The following BSPRY variants were observed in gnomAD, a reference collection of about 807,000 sequenced individuals.
The protein encoded by BSPRY is B-box and SPRY domain containing.
A neutral mutation model predicts 38.0 loss-of-function variants in BSPRY; 33 were observed. That is an observed-to-expected ratio of 0.87 (90% CI 0.66 to 1.16). BSPRY has a LOEUF of 1.16. Among genes scored for constraint, BSPRY ranks in the 50% most tolerant of loss-of-function variants. BSPRY has a pLI of 0.00. For synonymous variants in BSPRY, 224 were observed against 228.5 expected (o/e 0.98, Z 0.18); for missense variants, 523 against 533.2 (o/e 0.98, Z 0.19).
chr9:113,365,073 C>A (rs1352037793), intron 4 of BSPRY, among the ~76,000 whole-genome samples: 1 of 151,766 alleles, frequency 6.6e-6, no homozygotes, highest in African/African-American at 2.4e-5. Flanking sequence ...AGGAATACTT[C>A]ATAAGTGATC....
intron 4 of BSPRY, among the ~76,000 whole-genome samples, chr9:113,365,733 AAGAG>A (rs750918178): frequency 8.7e-5 from 12 of 137,804 alleles, no homozygotes; most frequent in South Asian, 5.1e-4. Flanking sequence ...GAGAAAGAGA[AAGAG>A]AGAGAGAGAG....
chr9:113,364,978 A>G (rs1254428699), intron 4 of BSPRY, among the ~76,000 whole-genome samples: 1 of 148,792 alleles, frequency 6.7e-6, no homozygotes, highest in East Asian at 2.0e-4. Context: ...ATTTTTAAAG[A>G]GTCAAGGCCA....
chr9:113,367,916 G>A (rs528156274), intron 4 of BSPRY, among the ~76,000 whole-genome samples: 1 of 151,186 alleles, frequency 6.6e-6, no homozygotes. Flanking sequence ...CTGCAGCCTC[G>A]AACTCCTGGG....
Position 113,349,716 on chromosome 9 carries a change from G to C in BSPRY, c.137G>C (p.Gly46Ala), listed in dbSNP as rs1463893255. 2 of 1,239,692 alleles carry C rather than the reference G, an allele frequency of 1.6e-6. No homozygotes were observed. The highest frequency in any genetic ancestry group is 2.0e-6 in the Non-Finnish European group (2 of 993,886). 76.8% of individuals were successfully genotyped at this position (1,239,692 alleles called of 1,614,324 possible). ...ERRPVCAACA[G>A]LGGRCRGHRI... ...CGGCCCGTGTGCGCCGCCTGCGCGG[G>C]GTTGGGCGGTCGCTGCCGGGGGCAC... is the stretch of plus-strand genomic sequence containing the variant. Residue 46 changes from glycine to alanine, a missense_variant, in exon 1 of 6, where the codon GGG becomes GCG. Coordinates refer to ENST00000374183, the MANE Select transcript of BSPRY (RefSeq NM_017688.3).
At chr9:113,356,629 G>C (rs1457491443) in intron 2 of BSPRY, among the ~76,000 whole-genome samples, 1 of 152,202 alleles carries the variant, frequency 6.6e-6, no homozygotes, top group Non-Finnish European at 1.5e-5. Context: ...GTGTGGTCTG[G>C]ACCCAAGCAA....
intron 2 of BSPRY, among the ~76,000 whole-genome samples, chr9:113,356,991 T>G (rs1486238637): frequency 1.3e-5 from 2 of 152,068 alleles, no homozygotes; most frequent in African/African-American, 4.8e-5. Context: ...AGATATAAAT[T>G]TGGGATTTAT....
At chr9:113,352,785 C>T (rs1833992800) in intron 1 of BSPRY, among the ~76,000 whole-genome samples, 1 of 151,960 alleles carries the variant, frequency 6.6e-6, no homozygotes, top group Non-Finnish European at 1.5e-5. Context: ...GTGCAGGGTA[C>T]CCAGTTAAGA....
chr9:113,349,657 C>G lies in BSPRY; in HGVS notation c.78C>G (p.Gly26=), dbSNP rs912246. The G allele has an allele frequency of 8.1e-7, 1 of 1,236,144 alleles. No homozygotes were observed. The highest frequency in any genetic ancestry group is 1.0e-6 in the Non-Finnish European group (1 of 988,142). The allele number at this position is 1,236,144 out of a possible 1,614,324, so 76.6% of individuals were successfully genotyped here. A position where few individuals can be genotyped will look rare whatever the true frequency, so the allele number is the denominator to read the frequency against. Residue 26 remains glycine (G), a synonymous_variant, in exon 1 of 6, where the codon GGC becomes GGG. Coordinates refer to ENST00000374183, the MANE Select transcript of BSPRY (RefSeq NM_017688.3). ...PGPGPLCPEH[G]QALSWFCGSE... ...CGGGGCCACTCTGCCCCGAACACGG[C>G]CAGGCTCTGAGCTGGTTCTGCGGCT...
chr9:113,360,814 G>T, intron 3 of BSPRY, 77 bp downstream of exon 3: 1 of 1,207,608 alleles, frequency 8.3e-7, no homozygotes. Context: ...AATGTTTGTC[G>T]GTATGAGGAG....
At chr9:113,366,569 G>A (rs897906367) in intron 4 of BSPRY, among the ~76,000 whole-genome samples, 2 of 152,224 alleles carry the variant, frequency 1.3e-5, no homozygotes, top group Non-Finnish European at 2.9e-5. Flanking sequence ...TTGGGGCCAT[G>A]AGTTTTGTCT....
rs368410256 is a variant in BSPRY at position 113,362,174 on chromosome 9, G to GGTGGGTGTGTGTGTGTGTGT, written c.532-192_532-191insGGTGTGTGTGTGTGTGTGTG. On this transcript the variant is annotated intron_variant, in intron 3 of 5. Coordinates refer to ENST00000374183, the MANE Select transcript of BSPRY (RefSeq NM_017688.3). ...TGATTCATTCTGAGCATGTGTTATG[G>GGTGGGTGTGTGTGTGTGTGT]GTGTGTGTGTGTGTGTGTGTGTGTG... 7.1e-5 allele frequency among the ~76,000 whole-genome samples: 10 copies of GGTGGGTGTGTGTGTGTGTGT among 141,344 alleles called. 1 individual carries two copies. The East Asian group carries it at 1.3e-3, about 18-fold the overall frequency. 92.7% of individuals were successfully genotyped at this position (141,344 alleles called of 152,430 possible). A position where few individuals can be genotyped will look rare whatever the true frequency, so the allele number is the denominator to read the frequency against.
At position 113,363,876 on chromosome 9, in the gene BSPRY, C is replaced by CAAAAA. The variant is rs57026104; in HGVS notation, c.557+1509_557+1513dup. Reference sequence around the variant, plus strand: ...TGGGTGACAGAGTGAGACTCCACCTCAAAAAAAAAAAAAAAAAAAAAAAAA... The same window carrying CAAAAA: ...TGGGTGACAGAGTGAGACTCCACCTCAAAAAAAAAAAAAAAAAAAAAAAAAAAAAA... On this transcript the variant is annotated intron_variant, in intron 4 of 5. Coordinates refer to ENST00000374183, the MANE Select transcript of BSPRY (RefSeq NM_017688.3). Among the ~76,000 whole-genome samples, 10 of 37,570 alleles carry CAAAAA rather than the reference C, an allele frequency of 2.7e-4. 1 individual carries two copies. The East Asian group carries it at 6.6e-3, about 25-fold the overall frequency. The allele number at this position is 37,570 out of a possible 152,430, so 24.6% of individuals were successfully genotyped here.
Position 113,369,627 on chromosome 9 carries a change from A to G in BSPRY, c.694A>G (p.Ile232Val), listed in dbSNP as rs1834307511. 2 of 1,612,078 alleles carry G rather than the reference A, an allele frequency of 1.2e-6. No individual in the cohort carries two copies. The highest frequency in any genetic ancestry group is 1.3e-5 in the African/African-American group (1 of 74,910). The change falls in exon 6 of 6, where the codon ATA becomes GTA. Residue 232 changes from isoleucine to valine, a missense_variant. Ile to Val is a conservative substitution (Grantham distance 29). Coordinates refer to ENST00000374183, the MANE Select transcript of BSPRY (RefSeq NM_017688.3). The stretch of plus-strand genomic sequence containing the variant: ...ATTCTTTCTGGCAGGCACAGAGGAC[A>G]TACGGATCGATGAGAGGACAGTCAG... ...VLGSLSGTED[I>V]RIDERTVSPF...
At chr9:113,357,620 A>G (rs1045488756) in intron 2 of BSPRY, among the ~76,000 whole-genome samples, 5 of 152,114 alleles carry the variant, frequency 3.3e-5, no homozygotes, top group African/African-American at 4.8e-5. Context: ...GTTTTGATCA[A>G]AGTTGCCACA....
Position 113,349,696 on chromosome 9 carries a change from C to A in BSPRY, c.117C>A (p.Pro39=), listed in dbSNP as rs1421346356. ...GGTTCTGCGGCTCCGAGCGACGGCCCGTGTGCGCCGCCTGCGCGGGGTTGG... is the reference window on the plus strand; with the variant it reads ...GGTTCTGCGGCTCCGAGCGACGGCCAGTGTGCGCCGCCTGCGCGGGGTTGG... The part of the protein sequence containing the change: ...LSWFCGSERR[P]VCAACAGLGG... The change falls in exon 1 of 6, where the codon CCC becomes CCA. Residue 39 remains proline (P), a synonymous_variant. Coordinates refer to ENST00000374183, the MANE Select transcript of BSPRY (RefSeq NM_017688.3). 1.6e-6 allele frequency: 2 copies of A among 1,238,990 alleles called. No homozygotes were observed. The highest frequency in any genetic ancestry group is 6.8e-5 in the South Asian group (2 of 29,528). The allele number at this position is 1,238,990 out of a possible 1,614,324, so 76.7% of individuals were successfully genotyped here.
chr9:113,354,689 A>G (rs1015029697), intron 2 of BSPRY, among the ~76,000 whole-genome samples: 1 of 152,196 alleles, frequency 6.6e-6, no homozygotes, highest in African/African-American at 2.4e-5. Context: ...CTTATGAAGT[A>G]GATAGCAGTA....
intron 1 of BSPRY, among the ~76,000 whole-genome samples, chr9:113,353,307 G>A (rs1564332797): frequency 6.6e-6 from 1 of 152,214 alleles, no homozygotes; most frequent in Non-Finnish European, 1.5e-5. Flanking sequence ...GATCACTTGA[G>A]CCTGGAAGGT....
intron 1 of BSPRY, 46 bp from the exon 2 acceptor site, chr9:113,354,194 C>A: frequency 6.6e-7 from 1 of 1,516,384 alleles, no homozygotes. Context: ...GAGTGAATGG[C>A]TCAGGTACAT....
Position 113,349,602 on chromosome 9 carries a change from C to CGGGGCCG in BSPRY, c.27_33dup (p.Ser12AlafsTer66). 1 of 1,185,698 alleles carries CGGGGCCG rather than the reference C, an allele frequency of 8.4e-7. No homozygotes were observed. Among genetic ancestry groups the CGGGGCCG allele is most frequent in the Non-Finnish European group, 1.0e-6 (1 of 958,830 alleles). The allele number at this position is 1,185,698 out of a possible 1,614,324, so 73.4% of individuals were successfully genotyped here. ...GCCATGTCCGCCGAGGGCGCGGAGC[C>CGGGGCCG]GGGGCCGGGGTCCGGGTCCGGGCCC... is the stretch of plus-strand genomic sequence containing the variant. On this transcript the variant is annotated frameshift_variant, in exon 1 of 6. Transcript: ENST00000374183. LOFTEE classifies it high-confidence loss of function.
Sources: gnomAD v4.1 joint callset for allele counts (sites outside exome capture counted in the v4.1 genomes callset) on GRCh38, gnomAD v4.1.1 for gene constraint, MANE v1.5 for transcripts, NCBI Gene and HGNC (gene_info 2026-07-23, HGNC 2026-07-21) for gene names.